The following KHDRBS2 variants were observed in gnomAD, a reference collection of about 807,000 sequenced individuals.
KHDRBS2 encodes KH domain-containing, RNA-binding, signal transduction-associated protein 2.
A neutral mutation model predicts 44.3 loss-of-function variants in KHDRBS2; 26 were observed. The ratio of observed to expected loss-of-function variants is 0.59; its 90% CI spans 0.43 to 0.81. The LOEUF (loss-of-function observed/expected upper bound fraction) is 0.81, where lower values mean the gene tolerates loss of function less well. KHDRBS2 is among the 40% of genes least tolerant of loss of function. The pLI, the probability that KHDRBS2 is intolerant of heterozygous loss-of-function variation, is 0.00. For synonymous variants in KHDRBS2, 194 were observed against 151.1 expected (o/e 1.28, Z -2.08); for missense variants, 476 against 433.1 (o/e 1.10, Z -0.88).
the KHDRBS2 span, among the ~76,000 whole-genome samples, chr6:61,563,150 T>A: frequency 1.3e-5 from 2 of 152,148 alleles, no homozygotes; most frequent in African/African-American, 4.8e-5. Context: ...TCTTCAAGAC[T>A]TTCTGGTATC....
At chr6:61,566,210 G>A in the KHDRBS2 span, among the ~76,000 whole-genome samples, 1 of 152,134 alleles carries the variant, frequency 6.6e-6, no homozygotes, top group African/African-American at 2.4e-5. Context: ...GGTGAGAATA[G>A]AATGATGGTT....
At chr6:61,828,503 A>C (rs1404582132) in intron 6 of KHDRBS2, among the ~76,000 whole-genome samples, 1 of 152,184 alleles carries the variant, frequency 6.6e-6, no homozygotes, top group African/African-American at 2.4e-5. Context: ...CTTTCATTTC[A>C]TTATTAACCC....
At chr6:61,886,778 A>G (rs1801014708) in intron 6 of KHDRBS2, among the ~76,000 whole-genome samples, 1 of 152,144 alleles carries the variant, frequency 6.6e-6, no homozygotes, top group African/African-American at 2.4e-5. Context: ...GCAAATACAT[A>G]TATGTTAATT....
intron 2 of KHDRBS2, among the ~76,000 whole-genome samples, chr6:62,164,278 G>A (rs964841685): frequency 6.6e-6 from 1 of 151,854 alleles, no homozygotes; most frequent in Non-Finnish European, 1.5e-5. Flanking sequence ...AGTATTATTA[G>A]AATTTTTGTG....
At chr6:62,188,836 G>C (rs553212662) in intron 1 of KHDRBS2, among the ~76,000 whole-genome samples, 1 of 152,274 alleles carries the variant, frequency 6.6e-6, no homozygotes, top group East Asian at 1.9e-4. Context: ...TCAGTAGGCT[G>C]GGTGCGGTGG....
chr6:61,775,986 G>A (rs1164616484), intron 6 of KHDRBS2, among the ~76,000 whole-genome samples: 3 of 152,240 alleles, frequency 2.0e-5, no homozygotes, highest in African/African-American at 7.2e-5. Context: ...AAATAATGCT[G>A]CATATCTACA....
chr6:61,817,855 T>C (rs1357090670), intron 6 of KHDRBS2, among the ~76,000 whole-genome samples: 1 of 152,044 alleles, frequency 6.6e-6, no homozygotes, highest in Non-Finnish European at 1.5e-5. Flanking sequence ...ATTGAATAAA[T>C]TGAACAGGAA....
At chr6:61,885,254 G>T (rs79767001) in intron 6 of KHDRBS2, among the ~76,000 whole-genome samples, 210 of 151,958 alleles carry the variant, frequency 1.4e-3, no homozygotes, top group Non-Finnish European at 2.6e-3. Context: ...AAAAAAAAAA[G>T]AGTTGTTATG....
At chr6:62,169,230 T>C (rs1264326790) in intron 2 of KHDRBS2, among the ~76,000 whole-genome samples, 5 of 149,560 alleles carry the variant, frequency 3.3e-5, no homozygotes, top group South Asian at 2.1e-4. Flanking sequence ...CACACACACA[T>C]ATATATGTGT....
At chr6:61,570,377 A>C in the KHDRBS2 span, among the ~76,000 whole-genome samples, 9 of 151,952 alleles carry the variant, frequency 5.9e-5, no homozygotes, top group Non-Finnish European at 1.2e-4. Flanking sequence ...AACAAAGAAG[A>C]AAGAATTTTA....
chr6:62,153,954 C>T (rs1043422287), intron 2 of KHDRBS2, among the ~76,000 whole-genome samples: 3 of 152,130 alleles, frequency 2.0e-5, no homozygotes, highest in African/African-American at 7.2e-5. Flanking sequence ...ACAAAATAGG[C>T]CTCTCTGAAG....
intron 2 of KHDRBS2, among the ~76,000 whole-genome samples, chr6:62,113,862 T>G (rs1161852055): frequency 2.0e-5 from 3 of 152,132 alleles, no homozygotes; most frequent in Non-Finnish European, 4.4e-5. Context: ...CATTACTGTA[T>G]TATTCCCTTC....
the KHDRBS2 span, among the ~76,000 whole-genome samples, chr6:61,550,667 A>T: frequency 3.9e-5 from 6 of 152,244 alleles, no homozygotes; most frequent in Admixed American, 6.5e-5. Context: ...TACATTCCCA[A>T]GAGCAGCATA....
chr6:62,172,719 A>AG (rs1820301100), intron 2 of KHDRBS2, among the ~76,000 whole-genome samples: 1 of 150,712 alleles, frequency 6.6e-6, no homozygotes, highest in Admixed American at 6.6e-5. Context: ...AAAAAAAAAA[A>AG]CCTGGAATCA....
At chr6:62,137,133 T>C (rs1471769809) in intron 2 of KHDRBS2, among the ~76,000 whole-genome samples, 3 of 150,844 alleles carry the variant, frequency 2.0e-5, no homozygotes, top group Non-Finnish European at 2.9e-5. Flanking sequence ...CCTGAGTAGC[T>C]GGGACTACAG....
In KHDRBS2 at chr6:62,092,684, T is replaced by C. The variant is rs548136179; in HGVS notation, c.220-44690A>G. On this transcript the variant is annotated intron_variant, in intron 2 of 8. Transcript: ENST00000281156. ...ATAGCTATGAATTTATAAATGACCT[T>C]TATTTTCATCAATCTTCTGTGACTT... Among the ~76,000 whole-genome samples, 9 of 152,198 alleles carry C rather than the reference T, an allele frequency of 5.9e-5. 1 individual carries two copies. The highest frequency in any genetic ancestry group is 6.3e-3 in the Middle Eastern group (2 of 316).
At chr6:61,669,559 T>G in the KHDRBS2 span, among the ~76,000 whole-genome samples, 1 of 150,932 alleles carries the variant, frequency 6.6e-6, no homozygotes, top group Non-Finnish European at 1.5e-5. Flanking sequence ...ATTAATATGT[T>G]TATAGACTTA....
At chr6:61,806,287 C>T (rs1787150054) in intron 6 of KHDRBS2, among the ~76,000 whole-genome samples, 1 of 152,114 alleles carries the variant, frequency 6.6e-6, no homozygotes, top group Admixed American at 6.6e-5. Flanking sequence ...GCCTGAGCTG[C>T]CATAAAAGCA....
At chr6:62,153,759 G>T (rs1031296162) in intron 2 of KHDRBS2, among the ~76,000 whole-genome samples, 1 of 152,072 alleles carries the variant, frequency 6.6e-6, no homozygotes, top group Non-Finnish European at 1.5e-5. Flanking sequence ...AAAAATTCCT[G>T]ACATAAAGTA....
Sources: gnomAD v4.1 joint callset for allele counts (sites outside exome capture counted in the v4.1 genomes callset) on GRCh38, gnomAD v4.1.1 for gene constraint, MANE v1.5 for transcripts, NCBI Gene and HGNC (gene_info 2026-07-23, HGNC 2026-07-21) for gene names.